ZAN: variants seen among roughly 807,000 people sequenced by gnomAD.
ZAN encodes zonadhesin (gene/pseudogene).
A neutral mutation model predicts 286.2 loss-of-function variants in ZAN; 260 were observed. That is an observed-to-expected ratio of 0.91 (90% CI 0.82 to 1.01). ZAN has a LOEUF of 1.01. Ranked by LOEUF, ZAN falls within the 50% of genes least tolerant of loss-of-function variation. The pLI is 0.00. For missense variants in ZAN, 3,410 were observed against 3,639.2 expected (o/e 0.94, Z 1.62); for synonymous variants, 1,368 against 1,417.5 (o/e 0.97, Z 0.79).
chr7:100,764,320 C>T, intron 22 of ZAN, 124 bp downstream of exon 22: 1 of 1,220,894 alleles, frequency 8.2e-7, no homozygotes, highest in Non-Finnish European at 1.1e-6. Flanking sequence ...CTGGCCAACA[C>T]CCCGTCTCTA....
rs1809738599 is a variant in ZAN at position 100,763,590 on chromosome 7, A to G, written c.3987-216A>G. Among the ~76,000 whole-genome samples, 1 of 152,206 alleles carries G rather than the reference A, an allele frequency of 6.6e-6. No homozygotes were observed. Among genetic ancestry groups the G allele is most frequent in the Non-Finnish European group, 1.5e-5 (1 of 68,034 alleles). ...GAGATGGGATCTCAGTGTGTTACCC[A>G]GGCTGGCCTGGAACTCCTGGGCTCA... On this transcript the variant is annotated intron_variant, in intron 20 of 47. Transcript: ENST00000613979. This position sits in a 1 kb window ranked among gnomAD's most constrained non-coding sequence, Gnocchi z 4.6.
chr7:100,762,778 C>T (rs1809688405), intron 20 of ZAN, among the ~76,000 whole-genome samples: 2 of 149,642 alleles, frequency 1.3e-5, no homozygotes, highest in Admixed American at 1.3e-4. Context: ...CTCCCTCTGT[C>T]TTCCAAGCTG....
chr7:100,772,737 C>T (rs1439474669), intron 29 of ZAN, among the ~76,000 whole-genome samples: 2 of 151,632 alleles, frequency 1.3e-5, no homozygotes, highest in Admixed American at 6.6e-5. Flanking sequence ...AGGAGAATGG[C>T]GTGAATCTGG....
Position 100,790,076 on chromosome 7 carries a change from T to C in ZAN, c.7357+729T>C, listed in dbSNP as rs559251637. ...GCATTCGAGACCAGCCTGGGCAACA[T>C]AGCAAGATCCCATCTCTATAAAAAA... On this transcript the variant is annotated intron_variant, in intron 39 of 47. Coordinates refer to ENST00000613979, the MANE Select transcript of ZAN (RefSeq NM_003386.3). Among the ~76,000 whole-genome samples the C allele has an allele frequency of 2.0e-5, 3 of 150,034 alleles. No individual in the cohort carries two copies. In the South Asian group the frequency reaches 6.3e-4, roughly 32 times the overall value.
At chr7:100,783,750 A>T (rs1811341878) in intron 35 of ZAN, among the ~76,000 whole-genome samples, 1 of 32,938 alleles carries the variant, frequency 3.0e-5, no homozygotes, top group African/African-American at 1.1e-4. Context: ...AAAAAAAAAA[A>T]AAAAAAAAAA....
Position 100,753,244 on chromosome 7 carries a change from G to A in ZAN, c.3124+15G>A. On this transcript the variant is annotated intron_variant, in intron 14 of 47. Coordinates refer to ENST00000613979, the MANE Select transcript of ZAN (RefSeq NM_003386.3). ...ATCCAGTACAGGTATGAGGTGGATG[G>A]AGCGTGGGCCAAGGCTGAAAGTCAG... 6.4e-7 allele frequency: 1 copy of A among 1,556,840 alleles called. No homozygotes were observed.
At chr7:100,747,916 C>T (rs1808340639) in intron 9 of ZAN, among the ~76,000 whole-genome samples, 1 of 150,594 alleles carries the variant, frequency 6.6e-6, no homozygotes, top group Non-Finnish European at 1.5e-5. Flanking sequence ...CACTTGAGCC[C>T]TGGAGGTCAA....
In ZAN at chr7:100,763,727, C is replaced by T. The variant is rs747208293; in HGVS notation, c.3987-79C>T. On this transcript the variant is annotated intron_variant, in intron 20 of 47. Transcript: ENST00000613979. The surrounding 1 kb of genome is among the most constrained non-coding windows in gnomAD (Gnocchi z 4.6). Reference sequence around the variant, plus strand: ...GGCTGGTTTGCCGGTCCCGGCCTGCCAGCCTTGCTGCCTGCTGGGTTAGGG... The same window carrying T: ...GGCTGGTTTGCCGGTCCCGGCCTGCTAGCCTTGCTGCCTGCTGGGTTAGGG... 1.4e-6 allele frequency: 2 copies of T among 1,470,146 alleles called. No individual in the cohort carries two copies. The highest frequency in any genetic ancestry group is 1.9e-6 in the Non-Finnish European group (2 of 1,051,704). The allele number at this position is 1,470,146 out of a possible 1,614,324, so 91.1% of individuals were successfully genotyped here.
chr7:100,792,681 G>C, intron 42 of ZAN: 2 of 1,333,740 alleles, frequency 1.5e-6, no homozygotes, highest in Non-Finnish European at 2.0e-6. Context: ...TTAGTCCCAG[G>C]TCCAAGTCAG....
chr7:100,788,671 C>T (rs978435965), intron 38 of ZAN, among the ~76,000 whole-genome samples: 1 of 152,080 alleles, frequency 6.6e-6, no homozygotes, highest in Non-Finnish European at 1.5e-5. Flanking sequence ...CAATCCTGGG[C>T]TGAAGAACCA....
At position 100,773,740 on chromosome 7, in the gene ZAN, C is replaced by T. The variant is rs1351261800; in HGVS notation, c.5654C>T (p.Thr1885Ile). Residue 1885 changes from threonine to isoleucine, a missense_variant, in exon 31 of 48, where the codon ACA (threonine) becomes ATA (isoleucine). By Grantham distance (89) the Thr-to-Ile change is moderately conservative (BLOSUM62 -1). This residue lies in a region of ZAN where 1,289 missense variants were observed against 1,314.3 expected (regional missense o/e 0.98). Transcript: ENST00000613979. ...CCACAGGTCGGGGAGCGCTGGTACA[C>T]AGAGAACACCTGCACCAGGCTCTGC... is the stretch of plus-strand genomic sequence containing the variant. ...SYHPVGERWY[T>I]ENTCTRLCTC... The T allele has an allele frequency of 1.9e-6, 3 of 1,610,962 alleles. No homozygotes were observed. Among genetic ancestry groups the T allele is most frequent in the East Asian group, 4.5e-5 (2 of 44,802 alleles).
chr7:100,735,627 A>T, intron 2 of ZAN, 93 bp from the exon 3 acceptor site: 1 of 987,102 alleles, frequency 1.0e-6, no homozygotes, highest in Non-Finnish European at 1.5e-6. Context: ...GATCATCCTT[A>T]CGTGACCACT....
At position 100,749,695 on chromosome 7, in the gene ZAN, T is replaced by TAC. The variant is rs1213046143; in HGVS notation, c.1250-924_1250-923dup. Among the ~76,000 whole-genome samples the TAC allele has an allele frequency of 2.5e-4, 33 of 133,566 alleles. No individual in the cohort carries two copies. The South Asian group carries it at 6.2e-3, about 25-fold the overall frequency. The allele number at this position is 133,566 out of a possible 152,430, so 87.6% of individuals were successfully genotyped here. A position where few individuals can be genotyped will look rare whatever the true frequency, so the allele number is the denominator to read the frequency against. On this transcript the variant is annotated intron_variant, in intron 11 of 47. Transcript: ENST00000613979. The stretch of plus-strand genomic sequence containing the variant: ...ATATATACACACACACACATATATA[T>TAC]ACACACATATATATATACACACACA...
chr7:100,794,876 G>A (rs1255549813), intron 44 of ZAN, among the ~76,000 whole-genome samples: 1 of 148,330 alleles, frequency 6.7e-6, no homozygotes, highest in Admixed American at 6.7e-5. Context: ...GAGGGCAGGG[G>A]AGGGGAGGAA....
chr7:100,797,530 G>A (rs373554766), intron 46 of ZAN, 47 bp from the exon 47 acceptor site: 127 of 1,613,368 alleles, frequency 7.9e-5, no homozygotes, highest in Non-Finnish European at 1.0e-4. Flanking sequence ...GGCTGGGCCC[G>A]TAAAGGGCCA....
chr7:100,781,521 G>A (rs554338188), intron 35 of ZAN, among the ~76,000 whole-genome samples: 1 of 152,178 alleles, frequency 6.6e-6, no homozygotes, highest in African/African-American at 2.4e-5. Context: ...CACAGGTCCC[G>A]TGCAGAAGGG....
chr7:100,753,384 C>CA (rs2115860996), intron 14 of ZAN, among the ~76,000 whole-genome samples, 155 bp downstream of exon 14: 1 of 152,294 alleles, frequency 6.6e-6, no homozygotes, highest in African/African-American at 2.4e-5. Flanking sequence ...ATGGCGACTT[C>CA]AGAGGAAATG....
chr7:100,791,914 C>G, intron 40 of ZAN, 52 bp from the exon 41 acceptor site: 1 of 1,545,756 alleles, frequency 6.5e-7, no homozygotes, highest in South Asian at 1.2e-5. Context: ...CTTCTTCCCC[C>G]ACTTCACCTT....
Position 100,767,222 on chromosome 7 carries a change from C to A in ZAN, c.4825C>A (p.Leu1609Ile), listed in dbSNP as rs574569918. 13 of 1,612,572 alleles carry A rather than the reference C, an allele frequency of 8.1e-6. No homozygotes were observed. In the African/African-American group the frequency reaches 1.7e-4, roughly 22 times the overall value. The change falls in exon 25 of 48, where the codon CTC becomes ATC. Residue 1609 changes from leucine (L) to isoleucine (I), a missense_variant. Physicochemically the swap from Leu to Ile is conservative, Grantham distance 5. Around this residue, in one of 7 missense-constraint regions of ZAN, gnomAD observed 1,042 missense variants for 1,058.0 expected, o/e 0.98. Transcript: ENST00000613979. ...IKAVHVTVFD[L>I]SISLLRGCKV... ...AGCCGTCCACGTGACAGTCTTTGAC[C>A]TCAGCATCTCACTGCTCAGAGGCTG...
Sources: gnomAD v4.1 joint callset for allele counts (sites outside exome capture counted in the v4.1 genomes callset) on GRCh38, gnomAD v4.1.1 for gene constraint, gnomAD v4.1.1 regional missense constraint, Gnocchi (gnomAD v3.1) non-coding constraint, MANE v1.5 for transcripts, NCBI Gene and HGNC (gene_info 2026-07-23, HGNC 2026-07-21) for gene names.